DLGAP1: variants seen among roughly 807,000 people sequenced by gnomAD.
The protein encoded by DLGAP1 is disks large-associated protein 1.
Under a neutral mutation model 90.8 loss-of-function variants are expected in DLGAP1, and 11 were observed. The observed-to-expected ratio is 0.12, with a 90% CI of 0.08 to 0.20. The LOEUF is 0.20. Ranked by LOEUF, DLGAP1 falls within the 10% of genes least tolerant of loss-of-function variation. The pLI, the probability that DLGAP1 is intolerant of heterozygous loss-of-function variation, is 1.00. For missense variants in DLGAP1, 1,050 were observed against 1,333.8 expected (o/e 0.79, Z 3.31); for synonymous variants, 558 against 540.7 (o/e 1.03, Z -0.44).
chr18:3,822,040 AG>A, intron 4 of DLGAP1: 1 of 854,864 alleles, frequency 1.2e-6, no homozygotes, highest in Non-Finnish European at 1.4e-6. Flanking sequence ...AAAAAAAAAA[AG>A]AGCAAGAATA....
intron 1 of DLGAP1, among the ~76,000 whole-genome samples, chr18:4,409,676 T>G (rs2082735473): frequency 6.6e-6 from 1 of 152,180 alleles, no homozygotes; most frequent in African/African-American, 2.4e-5. Flanking sequence ...TTAGTGATGT[T>G]GATAATTTTT....
chr18:4,406,053 A>G (rs2082657489), intron 1 of DLGAP1, among the ~76,000 whole-genome samples: 1 of 152,146 alleles, frequency 6.6e-6, no homozygotes, highest in African/African-American at 2.4e-5. Context: ...TTTACGCCCT[A>G]TGTAAGTGAA....
At chr18:4,086,725 C>A (rs989480844) in intron 2 of DLGAP1, among the ~76,000 whole-genome samples, 14 of 151,794 alleles carry the variant, frequency 9.2e-5, no homozygotes, top group African/African-American at 3.1e-4. Flanking sequence ...TATGATCTCT[C>A]TTGGTGAATG....
intron 10 of DLGAP1, among the ~76,000 whole-genome samples, chr18:3,519,750 GT>G (rs2051062778): frequency 6.6e-6 from 1 of 152,180 alleles, no homozygotes; most frequent in Non-Finnish European, 1.5e-5. Flanking sequence ...CACAGGGTTT[GT>G]CCCCTCTGGA....
intron 1 of DLGAP1, among the ~76,000 whole-genome samples, chr18:4,341,216 A>G (rs911635902): frequency 1.2e-4 from 18 of 152,126 alleles, no homozygotes; most frequent in Non-Finnish European, 2.5e-4. Context: ...AAATGTGAAG[A>G]AGAGGGGAAA....
intron 2 of DLGAP1, among the ~76,000 whole-genome samples, chr18:4,047,293 G>A (rs2075068538): frequency 6.6e-6 from 1 of 152,156 alleles, no homozygotes; most frequent in East Asian, 1.9e-4. Context: ...TCTGTATGTG[G>A]CAAATAGTGG....
In DLGAP1 at chr18:4,082,407, A is replaced by G. The variant is rs981077734; in HGVS notation, c.-159+68773T>C. Among the ~76,000 whole-genome samples the G allele has an allele frequency of 2.1e-5, 3 of 144,952 alleles. No homozygotes were observed. In the Admixed American group the frequency reaches 2.1e-4, roughly 10 times the overall value. On this transcript the variant is annotated intron_variant, in intron 2 of 12. Coordinates refer to ENST00000315677, the MANE Select transcript of DLGAP1 (RefSeq NM_004746.4). The stretch of plus-strand genomic sequence containing the variant: ...ACACCTGTAATCCCAGCTACTCGGG[A>G]GGCTGAGGCCCAAGAATCACTTGAA...
chr18:3,735,391 TTTTTTGTA>T (rs1172584519), intron 6 of DLGAP1, among the ~76,000 whole-genome samples: 1 of 152,116 alleles, frequency 6.6e-6, no homozygotes, highest in Non-Finnish European at 1.5e-5. Flanking sequence ...GGCTAACTTT[TTTTTTGTA>T]TTTTTAGTAG....
At chr18:4,022,424 C>CCA (rs1555726351) in intron 2 of DLGAP1, among the ~76,000 whole-genome samples, 7 of 147,368 alleles carry the variant, frequency 4.8e-5, no homozygotes, top group African/African-American at 1.7e-4. Context: ...CACACACACA[C>CCA]CACACACACA....
intron 2 of DLGAP1, among the ~76,000 whole-genome samples, chr18:4,010,422 C>T (rs1284136636): frequency 6.6e-6 from 1 of 152,076 alleles, no homozygotes; most frequent in Non-Finnish European, 1.5e-5. Context: ...GTGGCACAAG[C>T]CTGTGGTCCC....
At chr18:4,321,775 T>C (rs1334225014) in intron 1 of DLGAP1, among the ~76,000 whole-genome samples, 1 of 152,210 alleles carries the variant, frequency 6.6e-6, no homozygotes, top group African/African-American at 2.4e-5. Flanking sequence ...TGTAACAAAA[T>C]GAGGCAGGAG....
intron 7 of DLGAP1, among the ~76,000 whole-genome samples, chr18:3,622,091 C>G (rs189436297): frequency 5.3e-4 from 80 of 151,904 alleles, no homozygotes; most frequent in Middle Eastern, 3.4e-3. Flanking sequence ...TACCCACTGA[C>G]TCTACAATTA....
chr18:4,024,710 C>A (rs988708948), intron 2 of DLGAP1, among the ~76,000 whole-genome samples: 1 of 152,140 alleles, frequency 6.6e-6, no homozygotes, highest in Non-Finnish European at 1.5e-5. Flanking sequence ...CTTTTTCTGA[C>A]TATGATGATA....
chr18:4,425,990 CA>C, intron 1 of DLGAP1, among the ~76,000 whole-genome samples: 1 of 152,286 alleles, frequency 6.6e-6, no homozygotes, highest in East Asian at 1.9e-4. Context: ...TCACATTGTG[CA>C]GGCTTTTTTT....
chr18:3,779,373 G>C (rs1375125343), intron 5 of DLGAP1, among the ~76,000 whole-genome samples: 1 of 152,086 alleles, frequency 6.6e-6, no homozygotes, highest in Non-Finnish European at 1.5e-5. Flanking sequence ...GCCATGTCTG[G>C]CCCAGCAATC....
chr18:4,407,222 G>A (rs1186844946), intron 1 of DLGAP1, among the ~76,000 whole-genome samples: 1 of 152,160 alleles, frequency 6.6e-6, no homozygotes, highest in Non-Finnish European at 1.5e-5. Flanking sequence ...AGTAGCATTT[G>A]CTGTAAAAAA....
intron 2 of DLGAP1, among the ~76,000 whole-genome samples, chr18:4,101,231 C>G (rs2075773567): frequency 6.6e-6 from 1 of 152,092 alleles, no homozygotes; most frequent in African/African-American, 2.4e-5. Context: ...CGCTTAGAGG[C>G]CACTGTGGGA....
At chr18:3,530,886 T>C (rs1238748827) in intron 10 of DLGAP1, among the ~76,000 whole-genome samples, 1 of 152,190 alleles carries the variant, frequency 6.6e-6, no homozygotes, top group Non-Finnish European at 1.5e-5. Flanking sequence ...ATGAATTTCC[T>C]AACTTGCCCA....
chr18:3,872,208 G>A (rs1029668892), intron 4 of DLGAP1, among the ~76,000 whole-genome samples: 2 of 135,722 alleles, frequency 1.5e-5, no homozygotes, highest in Non-Finnish European at 3.1e-5. Flanking sequence ...CTTTAATCAC[G>A]TGAGTGCTCT....
Sources: gnomAD v4.1 joint callset for allele counts (sites outside exome capture counted in the v4.1 genomes callset) on GRCh38, gnomAD v4.1.1 for gene constraint, MANE v1.5 for transcripts, NCBI Gene and HGNC (gene_info 2026-07-23, HGNC 2026-07-21) for gene names.